FBXL22: variants seen among roughly 807,000 people sequenced by gnomAD.
FBXL22 encodes F-box and leucine rich repeat protein 22.
In FBXL22, 13 loss-of-function variants were observed where a neutral mutation model predicts 11.7. The observed-to-expected ratio is 1.11, with a 90% confidence interval of 0.73 to 1.77. FBXL22 has a LOEUF of 1.77. Among genes scored for constraint, FBXL22 ranks in the 40% most tolerant of loss-of-function variants. The pLI is 0.00. For synonymous variants in FBXL22, 160 were observed against 144.1 expected (o/e 1.11, Z -0.79); for missense variants, 406 against 320.4 (o/e 1.27, Z -2.04).
At chr15:63,604,531 G>A (rs1047225172), downstream of FBXL22, among the ~76,000 whole-genome samples, 15 of 152,136 alleles carry the variant, frequency 9.9e-5, no homozygotes, top group African/African-American at 3.6e-4. Flanking sequence ...GGTCATTTTA[G>A]GTGCCCCCAG....
At chr15:63,600,062 T>C in intron 1 of FBXL22, 1 of 985,776 alleles carries the variant, frequency 1.0e-6, no homozygotes, top group Non-Finnish European at 1.2e-6. Flanking sequence ...TGTCCGTGAC[T>C]GTACCTGCTC....
chr15:63,598,873 G>A (rs2067318222), intron 1 of FBXL22, among the ~76,000 whole-genome samples: 1 of 152,214 alleles, frequency 6.6e-6, no homozygotes, highest in Non-Finnish European at 1.5e-5. Context: ...GGGGGTTGGG[G>A]GGAGGCGAAT....
chr15:63,606,664 G>C (rs974463424), downstream of FBXL22, among the ~76,000 whole-genome samples: 3 of 152,154 alleles, frequency 2.0e-5, no homozygotes, highest in Admixed American at 6.5e-5. Flanking sequence ...GACTAGCCTG[G>C]GCAACATAGT....
At chr15:63,606,324 C>T (rs1460258741), downstream of FBXL22, among the ~76,000 whole-genome samples, 1 of 152,208 alleles carries the variant, frequency 6.6e-6, no homozygotes, top group Non-Finnish European at 1.5e-5. Context: ...CAGAACAAAG[C>T]CATACTTTGA....
chr15:63,602,684 G>A (rs998039899), downstream of FBXL22, among the ~76,000 whole-genome samples: 3 of 152,106 alleles, frequency 2.0e-5, no homozygotes, highest in South Asian at 4.1e-4. Context: ...AGATTGGGGG[G>A]TGAAGCCTCT....
At chr15:63,599,764 C>G (rs1192238340) in intron 1 of FBXL22, 2 of 986,268 alleles carry the variant, frequency 2.0e-6, no homozygotes, top group Non-Finnish European at 2.4e-6. Flanking sequence ...TGCGGGGAGC[C>G]AAGGCCCCGG....
Position 63,599,139 on chromosome 15 carries a change from T to C in FBXL22, c.353+1394T>C, listed in dbSNP as rs1287754181. 5 of 1,430,640 alleles carry C rather than the reference T, an allele frequency of 3.5e-6. No individual in the cohort carries two copies. The South Asian group carries it at 3.7e-5, about 11-fold the overall frequency. 88.6% of individuals were successfully genotyped at this position (1,430,640 alleles called of 1,614,324 possible). A position where few individuals can be genotyped will look rare whatever the true frequency, so the allele number is the denominator to read the frequency against. On this transcript the variant is annotated intron_variant, in intron 1 of 1. Transcript: ENST00000638704. ...CTTCTTCTATAAAATGTGCTAAATTTTTCTTATCCAACAGGGTAAGAGGAT... is the reference window on the plus strand; with the variant it reads ...CTTCTTCTATAAAATGTGCTAAATTCTTCTTATCCAACAGGGTAAGAGGAT...
downstream of FBXL22, chr15:63,601,359 C>A (rs751806326): frequency 1.9e-6 from 3 of 1,604,182 alleles, no homozygotes; most frequent in Admixed American, 3.4e-5. Flanking sequence ...GGACTCCGAT[C>A]GCCGTTGGAC....
chr15:63,599,693 C>A, intron 1 of FBXL22: 1 of 986,674 alleles, frequency 1.0e-6, no homozygotes, highest in Non-Finnish European at 1.2e-6. Flanking sequence ...CACGGAGCTG[C>A]GGGGGAGGCT....
downstream of FBXL22, chr15:63,601,579 CAG>C: frequency 6.4e-7 from 1 of 1,552,332 alleles, no homozygotes; most frequent in East Asian, 2.4e-5. Context: ...GGAGGGGAAG[CAG>C]GGGCGCACGG....
downstream of FBXL22, among the ~76,000 whole-genome samples, chr15:63,606,080 G>T (rs1444658625): frequency 6.6e-6 from 1 of 152,242 alleles, no homozygotes; most frequent in Non-Finnish European, 1.5e-5. Context: ...ACGGCACGCT[G>T]ACAGGAAGCA....
chr15:63,605,768 G>A (rs1202837434), downstream of FBXL22, among the ~76,000 whole-genome samples: 1 of 152,210 alleles, frequency 6.6e-6, no homozygotes, highest in Non-Finnish European at 1.5e-5. Context: ...CCAAGGCAGC[G>A]AATGGTCACT....
chr15:63,600,672 C>T, intron 1 of FBXL22, 25 bp from the exon 2 acceptor site: 2 of 1,231,372 alleles, frequency 1.6e-6, no homozygotes, highest in Non-Finnish European at 2.0e-6. Flanking sequence ...CCAGTGAGCC[C>T]CGGGTCACCG....
chr15:63,605,836 C>T (rs2067410345), downstream of FBXL22, among the ~76,000 whole-genome samples: 1 of 152,182 alleles, frequency 6.6e-6, no homozygotes, highest in African/African-American at 2.4e-5. Context: ...GACACTGCTC[C>T]CTGGCTGAAG....
chr15:63,601,449 C>A, downstream of FBXL22: 2 of 1,573,714 alleles, frequency 1.3e-6, no homozygotes, highest in Non-Finnish European at 1.7e-6. Flanking sequence ...CCAGGGCTGC[C>A]GCGCGCAGGG....
downstream of FBXL22, among the ~76,000 whole-genome samples, chr15:63,605,933 T>C (rs2152689431): frequency 6.6e-6 from 1 of 152,288 alleles, no homozygotes. Flanking sequence ...AGGTCAGGGT[T>C]CCAGATCTCC....
chr15:63,599,970 A>G (rs1016142544), intron 1 of FBXL22: 2 of 985,570 alleles, frequency 2.0e-6, no homozygotes, highest in African/African-American at 3.5e-5. Context: ...AACTTGGCTC[A>G]AGATCTTTTC....
chr15:63,600,210 TG>T, intron 1 of FBXL22: 1 of 986,996 alleles, frequency 1.0e-6, no homozygotes, highest in Non-Finnish European at 1.2e-6. Context: ...AGGGTTGGGA[TG>T]GGCCTGTCAC....
At chr15:63,605,451 T>C (rs2067408591), downstream of FBXL22, among the ~76,000 whole-genome samples, 1 of 152,226 alleles carries the variant, frequency 6.6e-6, no homozygotes, top group African/African-American at 2.4e-5. Flanking sequence ...TCCCAGGCAC[T>C]GGGAAGAAGC....
Sources: allele counts gnomAD v4.1 joint callset (sites outside exome capture counted in the v4.1 genomes callset), GRCh38; gene constraint gnomAD v4.1.1; transcripts MANE v1.5; gene names NCBI Gene and HGNC (gene_info 2026-07-23, HGNC 2026-07-21).